Variants in SCARB2 observed in about 807,000 individuals in gnomAD.
The protein encoded by SCARB2 is scavenger receptor class B member 2.
SCARB2 carries 29 observed loss-of-function variants against 58.6 expected under a neutral mutation model. The observed-to-expected ratio is 0.49, with a 90% confidence interval of 0.37 to 0.67. The LOEUF is 0.67. Ranked by LOEUF, SCARB2 falls within the 30% of genes least tolerant of loss-of-function variation. The pLI is 0.00. For synonymous variants in SCARB2, 195 were observed against 210.1 expected (o/e 0.93, Z 0.62); for missense variants, 488 against 578.5 (o/e 0.84, Z 1.60).
intron 1 of SCARB2, among the ~76,000 whole-genome samples, chr4:76,222,527 C>T (rs1053404127): frequency 1.3e-5 from 2 of 152,214 alleles, no homozygotes; most frequent in Non-Finnish European, 2.9e-5. Context: ...CGTGCCCGGC[C>T]TTTTTCCTAT....
chr4:76,166,712 T>G (rs1312780759), intron 9 of SCARB2: 5 of 265,418 alleles, frequency 1.9e-5, no homozygotes, highest in Non-Finnish European at 2.9e-5. Flanking sequence ...GGATATTATC[T>G]CATTCAATTC....
chr4:76,221,656 AG>A (rs1384683504), intron 1 of SCARB2, among the ~76,000 whole-genome samples: 4 of 152,228 alleles, frequency 2.6e-5, no homozygotes, highest in Non-Finnish European at 4.4e-5. Context: ...CTGCAAAAAC[AG>A]AGAAAAAATA....
intron 10 of SCARB2, chr4:76,163,899 C>T (rs576411470): frequency 5.7e-6 from 1 of 175,912 alleles, no homozygotes; most frequent in Admixed American, 5.6e-5. Flanking sequence ...GCACCCAGCA[C>T]ACAGTAGGTG....
intron 7 of SCARB2, 138 bp downstream of exon 7, chr4:76,174,006 A>C: frequency 9.4e-7 from 1 of 1,067,686 alleles, no homozygotes. Flanking sequence ...CCTGGGCTCA[A>C]GTGATCATCC....
rs190003806 is a variant in SCARB2, at chr4:76,212,708, C to T, written c.117+719G>A. Among the ~76,000 whole-genome samples the T allele has an allele frequency of 3.0e-4, 45 of 152,336 alleles. 1 individual carries two copies. Among genetic ancestry groups the T allele is most frequent in the African/African-American group, 9.6e-4 (40 of 41,582 alleles). ...CAGTGAAATCAAAAGATGAAGTCTT[C>T]TTAAAGGACTGGCTCTCCAGCCCAA... is the stretch of plus-strand genomic sequence containing the variant. On this transcript the variant is annotated intron_variant, in intron 1 of 11. Transcript: ENST00000264896.
At chr4:76,221,470 TACC>T (rs1733306266) in intron 1 of SCARB2, among the ~76,000 whole-genome samples, 1 of 152,062 alleles carries the variant, frequency 6.6e-6, no homozygotes, top group Non-Finnish European at 1.5e-5. Context: ...AGGCACCTGG[TACC>T]ACATCTGCCT....
At position 76,180,055 on chromosome 4, in the gene SCARB2, T is replaced by A. The variant is rs929505353; in HGVS notation, c.424-350A>T. The A allele has an allele frequency of 5.1e-5, 17 of 331,630 alleles. No homozygotes were observed. The Admixed American group carries it at 6.0e-4, about 12-fold the overall frequency. The allele number at this position is 331,630 out of a possible 1,614,324, so 20.5% of individuals were successfully genotyped here. A position where few individuals can be genotyped will look rare whatever the true frequency, so the allele number is the denominator to read the frequency against. On this transcript the variant is annotated intron_variant, in intron 3 of 11. Transcript: ENST00000264896. Reference sequence around the variant, plus strand: ...CCTAAGCAGGGCCAGAGGCTCATTATAAACCCGACCTACACCCCTGGGACT... The same window carrying A: ...CCTAAGCAGGGCCAGAGGCTCATTAAAAACCCGACCTACACCCCTGGGACT...
At chr4:76,197,178 T>C (rs1732731734) in intron 1 of SCARB2, among the ~76,000 whole-genome samples, 1 of 152,178 alleles carries the variant, frequency 6.6e-6, no homozygotes, top group African/African-American at 2.4e-5. Flanking sequence ...ACCCAGTCTG[T>C]TGTATTCATT....
chr4:76,223,743 G>A (rs1263034994), intron 1 of SCARB2, among the ~76,000 whole-genome samples: 3 of 152,188 alleles, frequency 2.0e-5, no homozygotes, highest in Non-Finnish European at 4.4e-5. Context: ...CCAGTCACAA[G>A]TGTGCTTTTC....
At chr4:76,196,981 GT>G (rs144478838) in intron 1 of SCARB2, among the ~76,000 whole-genome samples, 3,501 of 152,290 alleles carry the variant, frequency 0.023, 119 homozygotes, top group African/African-American at 0.08. Context: ...AATAGGACCG[GT>G]GTCCTAACTG....
chr4:76,179,371 C>A, intron 4 of SCARB2, 146 bp downstream of exon 4: 1 of 683,278 alleles, frequency 1.5e-6, no homozygotes, highest in South Asian at 1.7e-5. Context: ...TTTTTTCTTT[C>A]CAAAAAACAC....
chr4:76,198,883 A>G (rs11938219), intron 1 of SCARB2, among the ~76,000 whole-genome samples: 3,483 of 148,002 alleles, frequency 0.024, 121 homozygotes, highest in African/African-American at 0.084. Context: ...TGCTCATGCG[A>G]ATGCACTAAG....
chr4:76,186,885 C>A (rs1326191928), intron 2 of SCARB2, among the ~76,000 whole-genome samples: 1 of 151,788 alleles, frequency 6.6e-6, no homozygotes, highest in Non-Finnish European at 1.5e-5. Flanking sequence ...TTTTAGCTAC[C>A]AATCTAAAAA....
chr4:76,176,099 T>C (rs574852894), intron 5 of SCARB2, 189 bp from the exon 6 acceptor site: 9 of 710,518 alleles, frequency 1.3e-5, no homozygotes, highest in East Asian at 2.7e-5. Context: ...TCAGCTTTCA[T>C]AGAGGCAATG....
At chr4:76,189,586 G>T (rs1232806197) in intron 2 of SCARB2, among the ~76,000 whole-genome samples, 2 of 152,080 alleles carry the variant, frequency 1.3e-5, no homozygotes, top group African/African-American at 4.8e-5. Context: ...GGGTTCAAGT[G>T]ATTCTCCTGC....
At chr4:76,219,724 G>A (rs952612961) in intron 1 of SCARB2, among the ~76,000 whole-genome samples, 3 of 152,054 alleles carry the variant, frequency 2.0e-5, no homozygotes, top group Admixed American at 2.0e-4. Flanking sequence ...TAGGGGTGCA[G>A]TAGTGGAATG....
At chr4:76,217,247 G>A (rs956528388), upstream of SCARB2, among the ~76,000 whole-genome samples, 3 of 152,192 alleles carry the variant, frequency 2.0e-5, no homozygotes, top group African/African-American at 7.2e-5. Flanking sequence ...CTTGGGAAGG[G>A]GTTACTGCTC....
intron 7 of SCARB2, among the ~76,000 whole-genome samples, chr4:76,170,485 GGACT>G (rs1732105568): frequency 6.6e-6 from 1 of 152,066 alleles, no homozygotes; most frequent in Admixed American, 6.6e-5. Context: ...ATCAGTAAGT[GGACT>G]GACTTTTTAT....
intron 1 of SCARB2, among the ~76,000 whole-genome samples, chr4:76,198,074 C>T (rs1397621855): frequency 6.6e-6 from 1 of 152,144 alleles, no homozygotes; most frequent in Non-Finnish European, 1.5e-5. Flanking sequence ...GCTGCAAAGG[C>T]CCAGGAGCAG....
Sources: gnomAD v4.1 joint callset for allele counts (sites outside exome capture counted in the v4.1 genomes callset) on GRCh38, gnomAD v4.1.1 for gene constraint, MANE v1.5 for transcripts, NCBI Gene and HGNC (gene_info 2026-07-23, HGNC 2026-07-21) for gene names.